THRAP3: variants seen among roughly 807,000 people sequenced by gnomAD.
The protein encoded by THRAP3 is thyroid hormone receptor-associated protein 3.
THRAP3 carries 16 observed loss-of-function variants against 101.0 expected under a neutral mutation model. That is an observed-to-expected ratio of 0.16 (90% CI 0.11 to 0.24). The LOEUF (loss-of-function observed/expected upper bound fraction) is 0.24, where lower values mean the gene tolerates loss of function less well. Among genes scored for constraint, THRAP3 ranks in the 10% least tolerant of loss-of-function variants. THRAP3 has a pLI of 1.00. For synonymous variants in THRAP3, 407 were observed against 422.6 expected (o/e 0.96, Z 0.45); for missense variants, 989 against 1,202.7 (o/e 0.82, Z 2.63).
At position 36,276,218 on chromosome 1, in the gene THRAP3, A is replaced by T. The variant is rs544080142; in HGVS notation, c.-31-6315A>T. Among the ~76,000 whole-genome samples the T allele has an allele frequency of 1.7e-4, 21 of 123,348 alleles. No individual in the cohort carries two copies. In the East Asian group the frequency reaches 4.1e-3, roughly 24 times the overall value. The allele number at this position is 123,348 out of a possible 152,430, so 80.9% of individuals were successfully genotyped here. On this transcript the variant is annotated intron_variant, in intron 2 of 11. Transcript: ENST00000354618. ...AAAGAAAAACAGAGTTCAGCAGAGT[A>T]AAAAAAAAAAAAAAATGTGCTTCAA...
chr1:36,275,586 C>CA (rs754150358), intron 2 of THRAP3, among the ~76,000 whole-genome samples: 12 of 13,820 alleles, frequency 8.7e-4, no homozygotes, highest in African/African-American at 2.3e-3. Flanking sequence ...GACTCTGTCT[C>CA]AAAAAAAAAA....
intron 2 of THRAP3, among the ~76,000 whole-genome samples, chr1:36,259,733 T>C (rs1645420267): frequency 6.9e-6 from 1 of 144,398 alleles, no homozygotes; most frequent in African/African-American, 2.6e-5. Context: ...GCCACTGCAC[T>C]CCAGCCTGGG....
the THRAP3 span, among the ~76,000 whole-genome samples, chr1:36,211,157 C>T: frequency 8.6e-5 from 13 of 150,562 alleles, no homozygotes; most frequent in Non-Finnish European, 1.5e-4. Flanking sequence ...CCCAGGGGTT[C>T]GAGACCAGCC....
intron 1 of THRAP3, among the ~76,000 whole-genome samples, chr1:36,256,895 A>G (rs1645383037): frequency 6.6e-6 from 1 of 151,822 alleles, no homozygotes; most frequent in East Asian, 1.9e-4. Context: ...TCCCAGGTTC[A>G]AGTGATTCTC....
intron 1 of THRAP3, among the ~76,000 whole-genome samples, chr1:36,226,363 G>T (rs988615105): frequency 2.0e-5 from 3 of 152,126 alleles, no homozygotes; most frequent in African/African-American, 7.2e-5. Context: ...GGGTTCAAGC[G>T]ATTCTCCTGC....
In THRAP3 at chr1:36,289,274, G is replaced by A; in HGVS notation, c.1255G>A (p.Glu419Lys). The A allele has an allele frequency of 6.2e-7, 1 of 1,614,122 alleles. No homozygotes were observed. The highest frequency in any genetic ancestry group is 8.5e-7 in the Non-Finnish European group (1 of 1,179,992). Residue 419 changes from glutamate (E) to lysine (K), a missense_variant, in exon 5 of 12, where the codon GAG (glutamate) becomes AAG (lysine). Coordinates refer to ENST00000354618, the MANE Select transcript of THRAP3 (RefSeq NM_005119.4). Reference sequence around the variant, plus strand: ...AAGGTATAAGCTCCGAGATGACTTTGAGAAGAAGATGGCTGACTTCCACAA... The same window carrying A: ...AAGGTATAAGCTCCGAGATGACTTTAAGAAGAAGATGGCTGACTTCCACAA... Reference protein sequence around the residue: ...PKRYKLRDDFEKKMADFHKEE... With the variant: ...PKRYKLRDDFKKKMADFHKEE...
chr1:36,236,942 C>T (rs896475201), intron 1 of THRAP3, among the ~76,000 whole-genome samples: 1 of 152,012 alleles, frequency 6.6e-6, no homozygotes. Context: ...TTTGGGAGGC[C>T]GAGGCGGGCA....
At chr1:36,239,269 T>G (rs1316667095) in intron 1 of THRAP3, among the ~76,000 whole-genome samples, 1 of 149,232 alleles carries the variant, frequency 6.7e-6, no homozygotes, top group Non-Finnish European at 1.5e-5. Context: ...TTTTTTTTTT[T>G]TTTTTTTTGA....
At chr1:36,267,599 A>G (rs565195329) in intron 2 of THRAP3, among the ~76,000 whole-genome samples, 19 of 152,324 alleles carry the variant, frequency 1.2e-4, no homozygotes, top group African/African-American at 4.6e-4. Context: ...GGGTATTGAT[A>G]CTTTGTGGGG....
At chr1:36,219,660 C>G (rs1394926542), upstream of THRAP3, among the ~76,000 whole-genome samples, 1 of 151,974 alleles carries the variant, frequency 6.6e-6, no homozygotes, top group Non-Finnish European at 1.5e-5. Context: ...GAACTCCTGA[C>G]CTTTGGTGAT....
intron 2 of THRAP3, among the ~76,000 whole-genome samples, chr1:36,269,175 CAGG>C (rs1645556504): frequency 6.6e-6 from 1 of 152,104 alleles, no homozygotes; most frequent in South Asian, 2.1e-4. Context: ...TCTGAACACA[CAGG>C]AGTGTTTTTG....
intron 4 of THRAP3, chr1:36,288,053 G>A: frequency 1.0e-6 from 1 of 970,822 alleles, no homozygotes; most frequent in Non-Finnish European, 1.2e-6. Context: ...CTTCTTGGCT[G>A]TATTAACACG....
chr1:36,266,230 G>T (rs896112354), intron 2 of THRAP3, among the ~76,000 whole-genome samples: 1 of 151,854 alleles, frequency 6.6e-6, no homozygotes, highest in African/African-American at 2.4e-5. Context: ...GAGGTGGGAG[G>T]ATTGCTTGAG....
chr1:36,289,718 G>A lies in THRAP3; in HGVS notation c.1699G>A (p.Ala567Thr). The change falls in exon 5 of 12, where the codon GCA (alanine) becomes ACA (threonine). Residue 567 changes from alanine (A) to threonine (T), a missense_variant. Transcript: ENST00000354618. ...GKSSFSITRE[A>T]QVNVRMDSFD... ...GTCTTCCTTTTCCATTACTCGAGAG[G>A]CACAGGTCAATGTCCGGATGGACTC... 1 of 1,613,650 alleles carries A rather than the reference G, an allele frequency of 6.2e-7. No homozygotes were observed. Among genetic ancestry groups the A allele is most frequent in the East Asian group, 2.2e-5 (1 of 44,888 alleles).
At chr1:36,297,093 T>C (rs1645962037) in intron 9 of THRAP3, among the ~76,000 whole-genome samples, 1 of 152,228 alleles carries the variant, frequency 6.6e-6, no homozygotes, top group African/African-American at 2.4e-5. Context: ...TCACACATTT[T>C]CATGGGGAAG....
In THRAP3 at chr1:36,304,256, C is replaced by T. The variant is rs1043595528; in HGVS notation, c.*239C>T. 1 of 392,324 alleles carries T rather than the reference C, an allele frequency of 2.5e-6. No homozygotes were observed. Among genetic ancestry groups the T allele is most frequent in the Admixed American group, 4.3e-5 (1 of 23,104 alleles). The allele number at this position is 392,324 out of a possible 1,614,324, so 24.3% of individuals were successfully genotyped here. ...TTTGAGCAGAATACAACGCATTGGG[C>T]TTTAGCTGTTTTTCTCATTTGTTGG... On this transcript the variant is annotated 3_prime_UTR_variant, in exon 12 of 12. Transcript: ENST00000354618.
chr1:36,301,803 C>A, intron 11 of THRAP3, 107 bp downstream of exon 11: 1 of 1,356,100 alleles, frequency 7.4e-7, no homozygotes, highest in Non-Finnish European at 1.0e-6. Flanking sequence ...AATGTACGTG[C>A]AGGATTATTG....
At chr1:36,299,127 C>A (rs1019313437) in intron 9 of THRAP3, among the ~76,000 whole-genome samples, 1 of 149,686 alleles carries the variant, frequency 6.7e-6, no homozygotes, top group Non-Finnish European at 1.5e-5. Flanking sequence ...GAATGACTTA[C>A]CCAGGTGACA....
intron 1 of THRAP3, among the ~76,000 whole-genome samples, chr1:36,249,466 C>T (rs1397376311): frequency 6.6e-6 from 1 of 152,056 alleles, no homozygotes; most frequent in Non-Finnish European, 1.5e-5. Flanking sequence ...GCTGAGATTA[C>T]AGGCGTGAGC....
Sources: gnomAD v4.1 joint callset for allele counts (sites outside exome capture counted in the v4.1 genomes callset) on GRCh38, gnomAD v4.1.1 for gene constraint, MANE v1.5 for transcripts, NCBI Gene and HGNC (gene_info 2026-07-23, HGNC 2026-07-21) for gene names.